Variants in EML5 observed in about 807,000 individuals in gnomAD.
The protein encoded by EML5 is EMAP like 5.
A neutral mutation model predicts 250.0 loss-of-function variants in EML5; 120 were observed. The observed-to-expected ratio is 0.48, with a 90% CI of 0.41 to 0.56. EML5 has a LOEUF of 0.56. EML5 is among the 20% of genes least tolerant of loss of function. The pLI, the probability that EML5 is intolerant of heterozygous loss-of-function variation, is 0.00. For missense variants in EML5, 2,006 were observed against 2,437.6 expected (o/e 0.82, Z 3.73); for synonymous variants, 771 against 806.5 (o/e 0.96, Z 0.75).
Position 88,745,931 on chromosome 14 carries a change from A to G in EML5, c.456+254T>C, listed in dbSNP as rs151135803. ...CTGCACATGTACCCCAGAACTTAAAAGTATAATAAAAAAAAGAAAAAAAGT... is the reference window on the plus strand; with the variant it reads ...CTGCACATGTACCCCAGAACTTAAAGGTATAATAAAAAAAAGAAAAAAAGT... On this transcript the variant is annotated intron_variant, in intron 3 of 43. Coordinates refer to ENST00000554922, the MANE Select transcript of EML5 (RefSeq NM_183387.3). Among the ~76,000 whole-genome samples, 778 of 152,264 alleles carry G rather than the reference A, an allele frequency of 5.1e-3. 6 individuals carry two copies. The highest frequency in any genetic ancestry group is 0.018 in the African/African-American group (749 of 41,562).
intron 41 of EML5, 92 bp from the exon 42 acceptor site, chr14:88,616,971 C>A: frequency 8.4e-7 from 1 of 1,191,382 alleles, no homozygotes; most frequent in South Asian, 1.6e-5. Context: ...TCTCTAAGTA[C>A]CCTATCATGT....
At chr14:88,713,043 T>C (rs928610856) in intron 9 of EML5, among the ~76,000 whole-genome samples, 48 of 152,152 alleles carry the variant, frequency 3.2e-4, no homozygotes, top group Admixed American at 6.5e-4. Context: ...GCTAATTTTA[T>C]ATAATAGGTT....
intron 1 of EML5, among the ~76,000 whole-genome samples, chr14:88,774,863 T>C (rs955457911): frequency 6.6e-6 from 1 of 152,232 alleles, no homozygotes; most frequent in African/African-American, 2.4e-5. Context: ...ATTATAGACA[T>C]GTATGTTCAA....
At chr14:88,616,015 T>A in intron 43 of EML5, 127 bp downstream of exon 43, 1 of 1,285,000 alleles carries the variant, frequency 7.8e-7, no homozygotes, top group African/African-American at 1.5e-5. Flanking sequence ...TGAAGAGCCA[T>A]CTGGTTATAC....
chr14:88,705,922 A>G (rs1250894846), intron 11 of EML5: 3 of 545,756 alleles, frequency 5.5e-6, no homozygotes, highest in South Asian at 3.3e-5. Flanking sequence ...CAACAGATGA[A>G]TTGACATTAG....
chr14:88,631,381 G>A (rs1258112415), intron 33 of EML5, among the ~76,000 whole-genome samples: 1 of 152,086 alleles, frequency 6.6e-6, no homozygotes, highest in Admixed American at 6.6e-5. Context: ...ACCCATCTAA[G>A]TTTTGTATAT....
intron 1 of EML5, among the ~76,000 whole-genome samples, chr14:88,778,597 G>A (rs2140730377): frequency 6.6e-6 from 1 of 152,302 alleles, no homozygotes; most frequent in South Asian, 2.1e-4. Context: ...TGGCAAACAT[G>A]GTGAAACCCT....
intron 33 of EML5, among the ~76,000 whole-genome samples, chr14:88,633,637 AT>A (rs397853159): frequency 2.1e-4 from 14 of 66,482 alleles, no homozygotes; most frequent in Non-Finnish European, 7.4e-4. Flanking sequence ...GTGCAAACAG[AT>A]GAGTGTCATC....
At chr14:88,741,444 G>A (rs1259747124) in intron 4 of EML5, among the ~76,000 whole-genome samples, 3 of 152,166 alleles carry the variant, frequency 2.0e-5, no homozygotes, top group African/African-American at 7.2e-5. Context: ...ATTCTTGGGA[G>A]AAAATAAGAA....
chr14:88,641,352 T>C (rs1205595708), intron 31 of EML5, among the ~76,000 whole-genome samples: 5 of 151,674 alleles, frequency 3.3e-5, no homozygotes, highest in African/African-American at 1.2e-4. Flanking sequence ...CTACAAAACA[T>C]CCCACACAAA....
At chr14:88,643,724 A>G (rs1041857159) in intron 30 of EML5, among the ~76,000 whole-genome samples, 12 of 152,378 alleles carry the variant, frequency 7.9e-5, no homozygotes, top group African/African-American at 2.6e-4. Context: ...GAACTCAAAC[A>G]GTACATTCAT....
Position 88,616,723 on chromosome 14 carries a change from T to TA in EML5, c.5796+2dup, listed in dbSNP as rs767444393. On this transcript the variant is annotated splice_region_variant and intron_variant, in intron 42 of 43. Transcript: ENST00000554922. ...GATAATAGTAAACAAAACACAAACTTACAAATTTTTCTGGACATGGGAAGT... is the reference window on the plus strand; with the variant it reads ...GATAATAGTAAACAAAACACAAACTTAACAAATTTTTCTGGACATGGGAAGT... The TA allele has an allele frequency of 1.9e-6, 3 of 1,611,014 alleles. No individual in the cohort carries two copies. The highest frequency in any genetic ancestry group is 1.1e-5 in the South Asian group (1 of 90,386).
chr14:88,628,226 G>A (rs1398326164), intron 33 of EML5, among the ~76,000 whole-genome samples: 16 of 152,118 alleles, frequency 1.1e-4, no homozygotes, highest in Non-Finnish European at 1.9e-4. Flanking sequence ...CAGTACTGAT[G>A]TTATCTGAAA....
At chr14:88,779,008 T>C (rs772326336) in intron 1 of EML5, among the ~76,000 whole-genome samples, 6 of 152,222 alleles carry the variant, frequency 3.9e-5, no homozygotes, top group South Asian at 2.1e-4. Flanking sequence ...TTGTAGATTG[T>C]ATATGTGAGA....
At chr14:88,664,815 TAGTGTAACAAATTAGTTC>T (rs2092258033) in intron 22 of EML5, among the ~76,000 whole-genome samples, 191 bp from the exon 23 acceptor site, 3 of 152,220 alleles carry the variant, frequency 2.0e-5, no homozygotes, top group Non-Finnish European at 4.4e-5. Flanking sequence ...AATAATTTTT[TAGTGTAACAAATTAGTTC>T]AGTGGGAAGC....
intron 4 of EML5, among the ~76,000 whole-genome samples, chr14:88,741,952 A>G (rs1050733165): frequency 6.6e-6 from 1 of 152,194 alleles, no homozygotes; most frequent in African/African-American, 2.4e-5. Context: ...TAATTTTTAA[A>G]CTTAAAATCT....
intron 32 of EML5, among the ~76,000 whole-genome samples, chr14:88,636,489 C>T (rs1020439811): frequency 2.1e-4 from 32 of 152,068 alleles, no homozygotes; most frequent in African/African-American, 7.5e-4. Context: ...GGTGAAACCC[C>T]GTCTCTACTA....
chr14:88,683,176 G>A (rs544400108), intron 20 of EML5, among the ~76,000 whole-genome samples: 1 of 152,318 alleles, frequency 6.6e-6, no homozygotes, highest in African/African-American at 2.4e-5. Flanking sequence ...AAGTAATTGG[G>A]AGGAGACTGG....
chr14:88,699,620 T>C (rs1439003295), intron 14 of EML5, among the ~76,000 whole-genome samples: 4 of 152,144 alleles, frequency 2.6e-5, no homozygotes, highest in Non-Finnish European at 4.4e-5. Context: ...CCAATGGCTA[T>C]AGTAATGTTT....
Sources: gnomAD v4.1 joint callset for allele counts (sites outside exome capture counted in the v4.1 genomes callset) on GRCh38, gnomAD v4.1.1 for gene constraint, MANE v1.5 for transcripts, NCBI Gene and HGNC (gene_info 2026-07-23, HGNC 2026-07-21) for gene names.